The following SMG6 variants were observed in gnomAD, a reference collection of about 807,000 sequenced individuals.
SMG6 encodes telomerase-binding protein EST1A.
SMG6 carries 66 observed loss-of-function variants against 142.2 expected under a neutral mutation model. That is an observed-to-expected ratio of 0.46 (90% CI 0.38 to 0.57). The LOEUF (loss-of-function observed/expected upper bound fraction) is 0.57. SMG6 is among the 20% of genes least tolerant of loss of function. The pLI, the probability that SMG6 is intolerant of heterozygous loss-of-function variation, is 0.00. For missense variants in SMG6, 1,793 were observed against 1,832.0 expected (o/e 0.98, Z 0.39); for synonymous variants, 779 against 702.4 (o/e 1.11, Z -1.72).
chr17:2,105,215 C>T (rs2069123498), intron 13 of SMG6, among the ~76,000 whole-genome samples: 1 of 151,412 alleles, frequency 6.6e-6, no homozygotes, highest in Admixed American at 6.6e-5. Flanking sequence ...GCGTGAGCCA[C>T]TGCACTCAGC....
At chr17:2,112,122 G>A (rs894963997) in intron 13 of SMG6, among the ~76,000 whole-genome samples, 1 of 151,878 alleles carries the variant, frequency 6.6e-6, no homozygotes, top group Non-Finnish European at 1.5e-5. Context: ...GTCTTCATTA[G>A]GCCTAACTCT....
chr17:2,303,453 G>GA lies in SMG6; in HGVS notation c.88+179dup, dbSNP rs1442621387. ...GAGCTGGCCAGGACTGGCCGAGCCCGACCCCGCACTAACCCGCGAGAGAGG... is the reference window on the plus strand; with the variant it reads ...GAGCTGGCCAGGACTGGCCGAGCCCGAACCCCGCACTAACCCGCGAGAGAGG... On this transcript the variant is annotated intron_variant, in intron 1 of 18. Coordinates refer to ENST00000263073, the MANE Select transcript of SMG6 (RefSeq NM_017575.5). 6.6e-5 allele frequency: 86 copies of GA among 1,303,870 alleles called. 1 individual carries two copies. In the South Asian group the frequency reaches 1.7e-3, roughly 26 times the overall value. 80.8% of individuals were successfully genotyped at this position (1,303,870 alleles called of 1,614,324 possible). A position where few individuals can be genotyped will look rare whatever the true frequency, so the allele number is the denominator to read the frequency against.
intron 13 of SMG6, among the ~76,000 whole-genome samples, chr17:2,125,782 G>A (rs1355439907): frequency 1.3e-5 from 2 of 152,020 alleles, no homozygotes; most frequent in Non-Finnish European, 2.9e-5. Flanking sequence ...GCAAAACACC[G>A]TCTATACTAA....
In SMG6 at chr17:2,272,063, T is replaced by C. The variant is rs185145728; in HGVS notation, c.2661+10584A>G. ...ATTTCCAGAATCCTAAGGTATCTTATGGGAGATCAGCCCCCTGACTACCTC... is the reference window on the plus strand; with the variant it reads ...ATTTCCAGAATCCTAAGGTATCTTACGGGAGATCAGCCCCCTGACTACCTC... On this transcript the variant is annotated intron_variant, in intron 8 of 18. Coordinates refer to ENST00000263073, the MANE Select transcript of SMG6 (RefSeq NM_017575.5). Among the ~76,000 whole-genome samples the C allele has an allele frequency of 1.1e-3, 169 of 152,326 alleles. 4 individuals carry two copies. In the East Asian group the frequency reaches 0.018, roughly 17 times the overall value.
At chr17:2,211,102 A>T (rs955695394) in intron 10 of SMG6, among the ~76,000 whole-genome samples, 5 of 10,940 alleles carry the variant, frequency 4.6e-4, no homozygotes, top group Admixed American at 1.4e-3. Context: ...GGATTTTATT[A>T]AAAAAAAAAA....
intron 8 of SMG6, among the ~76,000 whole-genome samples, chr17:2,281,799 C>T (rs1473989754): frequency 2.0e-5 from 3 of 152,290 alleles, no homozygotes; most frequent in South Asian, 2.1e-4. Context: ...TAAGGCGCAA[C>T]GAACCAGCCA....
At chr17:2,107,678 G>A (rs1442653357) in intron 13 of SMG6, among the ~76,000 whole-genome samples, 2 of 152,170 alleles carry the variant, frequency 1.3e-5, no homozygotes, top group Non-Finnish European at 2.9e-5. Flanking sequence ...AGCCATCTGT[G>A]AGGGTTATTT....
At chr17:2,264,261 C>T (rs1483503857) in intron 8 of SMG6, among the ~76,000 whole-genome samples, 1 of 152,226 alleles carries the variant, frequency 6.6e-6, no homozygotes, top group African/African-American at 2.4e-5. Context: ...TGATTGCTCC[C>T]TTGTCTAACT....
intron 8 of SMG6, among the ~76,000 whole-genome samples, chr17:2,261,556 T>C (rs1010394573): frequency 6.6e-6 from 1 of 152,200 alleles, no homozygotes; most frequent in African/African-American, 2.4e-5. Flanking sequence ...CTTTGCCCCA[T>C]ATGTCCTAAT....
chr17:2,095,381 T>C (rs955219264), intron 13 of SMG6, among the ~76,000 whole-genome samples: 3 of 152,156 alleles, frequency 2.0e-5, no homozygotes, highest in African/African-American at 7.2e-5. Flanking sequence ...TTTACCAAAT[T>C]TGCTCCTAAT....
intron 15 of SMG6, chr17:2,072,749 G>A (rs2151405330): frequency 6.6e-6 from 1 of 152,296 alleles, no homozygotes; most frequent in Middle Eastern, 3.4e-3. Context: ...TTCTGCTTAG[G>A]GGCTCCCATA....
At chr17:2,187,382 A>G (rs999495157) in intron 11 of SMG6, among the ~76,000 whole-genome samples, 4 of 152,152 alleles carry the variant, frequency 2.6e-5, no homozygotes, top group Admixed American at 6.5e-5. Flanking sequence ...TCCCCTTGCT[A>G]TAAAGAAATT....
At chr17:2,255,285 T>A (rs962595741) in intron 8 of SMG6, among the ~76,000 whole-genome samples, 3 of 149,570 alleles carry the variant, frequency 2.0e-5, no homozygotes, top group African/African-American at 7.4e-5. Context: ...GCGCCTGTAG[T>A]CCCAGCTACT....
chr17:2,284,402 T>G (rs1567747636), intron 6 of SMG6, among the ~76,000 whole-genome samples: 2 of 152,110 alleles, frequency 1.3e-5, no homozygotes, highest in Non-Finnish European at 2.9e-5. Flanking sequence ...TGGATATTAT[T>G]CAAGAAATTC....
In SMG6 at chr17:2,186,599, G is replaced by A. The variant is rs995472479; in HGVS notation, c.3155+64C>T. 6.4e-6 allele frequency: 10 copies of A among 1,564,810 alleles called. No individual in the cohort carries two copies. The Admixed American group carries it at 1.7e-4, about 27-fold the overall frequency. Reference sequence around the variant, plus strand: ...AAAGAAACAGAGCAGGATGAAGAGGGGAGCTGTAGGAACACGGGCAGGCCC... The same window carrying A: ...AAAGAAACAGAGCAGGATGAAGAGGAGAGCTGTAGGAACACGGGCAGGCCC... On this transcript the variant is annotated intron_variant, in intron 12 of 18. Coordinates refer to ENST00000263073, the MANE Select transcript of SMG6 (RefSeq NM_017575.5).
intron 13 of SMG6, among the ~76,000 whole-genome samples, chr17:2,118,866 G>A (rs1261136716): frequency 6.7e-6 from 1 of 150,212 alleles, no homozygotes; most frequent in Non-Finnish European, 1.5e-5. Context: ...TGAGATTATA[G>A]GCATGGGCCA....
chr17:2,256,618 A>G (rs1339162597), intron 8 of SMG6, among the ~76,000 whole-genome samples: 1 of 152,122 alleles, frequency 6.6e-6, no homozygotes, highest in Non-Finnish European at 1.5e-5. Context: ...AAAATAAAAT[A>G]AAATAAATCA....
In SMG6 at chr17:2,186,708, G is replaced by C. The variant is rs763656651; in HGVS notation, c.3110C>G (p.Pro1037Arg). 1.2e-6 allele frequency: 2 copies of C among 1,614,216 alleles called. No homozygotes were observed. The highest frequency in any genetic ancestry group is 1.7e-6 in the Non-Finnish European group (2 of 1,180,040). The stretch of plus-strand genomic sequence containing the variant: ...TGTGGGAGGAGGATTCCAGGTGTCC[G>C]GGTAGCCGAGCATCCAATCTGACCA... ...KVWSDWMLGYPDTWNPPPTSL... is the reference protein window; with the variant it reads ...KVWSDWMLGYRDTWNPPPTSL... The change falls in exon 12 of 19, where the codon CCG becomes CGG. Residue 1037 changes from proline (P) to arginine (R), a missense_variant. Physicochemically the swap from Pro to Arg is moderately radical, Grantham distance 103. Around this residue, in one of 3 missense-constraint regions of SMG6, gnomAD observed 1,597 missense variants for 1,584.6 expected, o/e 1.01. Transcript: ENST00000263073.
Position 2,244,702 on chromosome 17 carries a change from G to A in SMG6, c.2679C>T (p.Ile893=). The A allele has an allele frequency of 6.2e-7, 1 of 1,613,992 alleles. No individual in the cohort carries two copies. Among genetic ancestry groups the A allele is most frequent in the Non-Finnish European group, 8.5e-7 (1 of 1,179,826 alleles). Residue 893 remains isoleucine, a synonymous_variant, in exon 9 of 19, where the codon ATC becomes ATT. Transcript: ENST00000263073. ...LSPSDLNKRF[I]LSFLHAHGKL... is the part of the protein sequence containing the mutation. The stretch of plus-strand genomic sequence containing the variant: ...TCCCATGGGCATGGAGAAAACTGAG[G>A]ATGAACCTTTTGTTCAGCTGCATGG...
Sources: allele counts gnomAD v4.1 joint callset (sites outside exome capture counted in the v4.1 genomes callset), GRCh38; gene constraint gnomAD v4.1.1; regional missense constraint gnomAD v4.1.1; transcripts MANE v1.5; gene names NCBI Gene and HGNC (gene_info 2026-07-23, HGNC 2026-07-21).